SPAG1: variants seen among roughly 807,000 people sequenced by gnomAD.
The protein encoded by SPAG1 is sperm associated antigen 1, also known as sperm-associated antigen 1.
A neutral mutation model predicts 100.5 loss-of-function variants in SPAG1; 69 were observed. The observed-to-expected ratio is 0.69, with a 90% CI of 0.57 to 0.84. The LOEUF is 0.84. Ranked by LOEUF, SPAG1 falls within the 40% of genes least tolerant of loss-of-function variation. The probability of loss-of-function intolerance (pLI) is 0.00; values close to 1 mark genes in which losing one functional copy is unlikely to be tolerated. For missense variants in SPAG1, 955 were observed against 1,133.1 expected (o/e 0.84, Z 2.26); for synonymous variants, 336 against 411.6 (o/e 0.82, Z 2.22).
chr8:100,159,454 T>C (rs941052233), intron 1 of SPAG1, among the ~76,000 whole-genome samples: 8 of 152,220 alleles, frequency 5.3e-5, no homozygotes, highest in Admixed American at 2.6e-4. Context: ...TGTCATCCTT[T>C]TCTGCAGAGG....
At chr8:100,170,928 A>G (rs1815800291) in intron 3 of SPAG1, among the ~76,000 whole-genome samples, 1 of 152,004 alleles carries the variant, frequency 6.6e-6, no homozygotes, top group African/African-American at 2.4e-5. Context: ...CCTATTTCCC[A>G]GTCTTACAGG....
Position 100,183,985 on chromosome 8 carries a change from T to A in SPAG1, c.518T>A (p.Ile173Asn), listed in dbSNP as rs188430751. ...GACGTGGAGAAGGAATGTTTAAAAA[T>A]TGATGAAGATTACAAAGAAAAGACG... is the stretch of plus-strand genomic sequence containing the variant. ...KFDVEKECLK[I>N]DEDYKEKTVI... Residue 173 changes from isoleucine to asparagine, a missense_variant, in exon 6 of 19, where the codon ATT becomes AAT. By Grantham distance (149) the Ile-to-Asn change is moderately radical (BLOSUM62 -3). Transcript: ENST00000388798. The A allele has an allele frequency of 6.5e-7, 1 of 1,546,846 alleles. No individual in the cohort carries two copies. The highest frequency in any genetic ancestry group is 8.7e-7 in the Non-Finnish European group (1 of 1,151,862).
At chr8:100,196,136 G>A (rs1406641456) in intron 10 of SPAG1, among the ~76,000 whole-genome samples, 1 of 152,150 alleles carries the variant, frequency 6.6e-6, no homozygotes, top group Non-Finnish European at 1.5e-5. Flanking sequence ...GGACATTCAG[G>A]TTATTTCCAG....
intron 6 of SPAG1, 79 bp from the exon 7 acceptor site, chr8:100,184,549 A>C: frequency 1.5e-6 from 1 of 656,512 alleles, no homozygotes; most frequent in Admixed American, 3.4e-5. Flanking sequence ...CTTCTGTTAA[A>C]ATAAGCATTC....
At chr8:100,175,560 C>G (rs1020929051) in intron 3 of SPAG1, among the ~76,000 whole-genome samples, 10 of 152,136 alleles carry the variant, frequency 6.6e-5, no homozygotes, top group African/African-American at 2.4e-4. Context: ...TCTGGGATTA[C>G]AGGCATAAGC....
At chr8:100,208,433 C>G (rs765084611) in intron 10 of SPAG1, among the ~76,000 whole-genome samples, 4 of 152,144 alleles carry the variant, frequency 2.6e-5, no homozygotes, top group South Asian at 2.1e-4. Flanking sequence ...CCAGCCAGGA[C>G]TACAAATGGC....
chr8:100,215,780 T>TC (rs1426550016), intron 12 of SPAG1, among the ~76,000 whole-genome samples: 3 of 152,230 alleles, frequency 2.0e-5, no homozygotes, highest in African/African-American at 7.2e-5. Flanking sequence ...CGCCTCGGCC[T>TC]CCCAAAGTGC....
At chr8:100,181,239 T>C (rs1816354760) in intron 4 of SPAG1, among the ~76,000 whole-genome samples, 1 of 152,224 alleles carries the variant, frequency 6.6e-6, no homozygotes, top group Non-Finnish European at 1.5e-5. Context: ...CTTTATTCAG[T>C]CATAATTGAT....
intron 2 of SPAG1, among the ~76,000 whole-genome samples, chr8:100,164,198 A>T (rs1815442358): frequency 1.3e-5 from 2 of 152,170 alleles, no homozygotes; most frequent in Admixed American, 6.5e-5. Context: ...AAATTTATGA[A>T]CAGAAACTCC....
intron 12 of SPAG1, among the ~76,000 whole-genome samples, chr8:100,214,408 C>G (rs116206455): frequency 1.4e-3 from 210 of 152,236 alleles, no homozygotes; most frequent in African/African-American, 4.8e-3. Context: ...CCATGTTGCC[C>G]CTAATGGTGG....
At chr8:100,166,456 A>G (rs564621078) in intron 3 of SPAG1, among the ~76,000 whole-genome samples, 1 of 151,930 alleles carries the variant, frequency 6.6e-6, no homozygotes, top group African/African-American at 2.4e-5. Flanking sequence ...ATGGGGTTTC[A>G]CCATATTGGC....
intron 12 of SPAG1, among the ~76,000 whole-genome samples, chr8:100,216,222 T>G (rs1220853333): frequency 6.6e-6 from 1 of 152,082 alleles, no homozygotes; most frequent in African/African-American, 2.4e-5. Flanking sequence ...ACCAAGCCCG[T>G]GGTGATTTGC....
intron 10 of SPAG1, among the ~76,000 whole-genome samples, chr8:100,197,714 C>A (rs1225241921): frequency 6.6e-6 from 1 of 152,218 alleles, no homozygotes; most frequent in Non-Finnish European, 1.5e-5. Flanking sequence ...TGTTTTTTAA[C>A]CTTGTCTGGT....
At chr8:100,226,830 C>T (rs1252359955) in intron 14 of SPAG1, among the ~76,000 whole-genome samples, 2 of 152,120 alleles carry the variant, frequency 1.3e-5, no homozygotes, top group African/African-American at 4.8e-5. Flanking sequence ...ATCATGTGCT[C>T]ATAATGGTAT....
chr8:100,207,308 G>A (rs1254826729), intron 10 of SPAG1, among the ~76,000 whole-genome samples: 1 of 152,168 alleles, frequency 6.6e-6, no homozygotes, highest in Non-Finnish European at 1.5e-5. Context: ...TGGCTCAAAT[G>A]CCCATGGTCT....
At position 100,235,965 on chromosome 8, in the gene SPAG1, G is replaced by A. The variant is rs114868444; in HGVS notation, c.2115+2428G>A. ...CACCTCTTTGAGCTTAGTAGATTTG[G>A]TAAATGAGGATCTGTATGGCTCATG... On this transcript the variant is annotated intron_variant, in intron 16 of 18. Transcript: ENST00000388798. Among the ~76,000 whole-genome samples the A allele has an allele frequency of 6.6e-3, 1,006 of 152,240 alleles. 12 individuals carry two copies. The highest frequency in any genetic ancestry group is 0.023 in the African/African-American group (961 of 41,520).
At chr8:100,201,937 G>A (rs1346679045) in intron 10 of SPAG1, among the ~76,000 whole-genome samples, 2 of 152,182 alleles carry the variant, frequency 1.3e-5, no homozygotes, top group Non-Finnish European at 2.9e-5. Flanking sequence ...AGCTGCTCCA[G>A]CAAATTAATT....
intron 12 of SPAG1, among the ~76,000 whole-genome samples, chr8:100,218,239 G>GT (rs1400712688): frequency 6.6e-6 from 1 of 152,124 alleles, no homozygotes; most frequent in African/African-American, 2.4e-5. Flanking sequence ...TACATGGGTG[G>GT]TTTTTTTCCT....
intron 8 of SPAG1, 80 bp from the exon 9 acceptor site, chr8:100,191,310 A>G (rs1371806535): frequency 1.1e-6 from 1 of 924,676 alleles, no homozygotes; most frequent in East Asian, 2.5e-5. Flanking sequence ...TGTGCTGCTC[A>G]TATCTTCCAC....
Sources: allele counts gnomAD v4.1 joint callset (sites outside exome capture counted in the v4.1 genomes callset), GRCh38; gene constraint gnomAD v4.1.1; transcripts MANE v1.5; gene names NCBI Gene and HGNC (gene_info 2026-07-23, HGNC 2026-07-21).